DTNBP1: variants seen among roughly 807,000 people sequenced by gnomAD.
DTNBP1 encodes the protein dysbindin.
In DTNBP1, 35 loss-of-function variants were observed where a neutral mutation model predicts 42.8. The ratio of observed to expected loss-of-function variants is 0.82; its 90% confidence interval spans 0.63 to 1.09. DTNBP1 has a LOEUF of 1.09. Among genes scored for constraint, DTNBP1 ranks in the 50% least tolerant of loss-of-function variants. DTNBP1 has a pLI of 0.00. For missense variants in DTNBP1, 457 were observed against 424.2 expected (o/e 1.08, Z -0.68); for synonymous variants, 171 against 162.2 (o/e 1.05, Z -0.41).
At chr6:15,532,474 G>A (rs187851980) in intron 8 of DTNBP1, among the ~76,000 whole-genome samples, 7 of 152,078 alleles carry the variant, frequency 4.6e-5, no homozygotes, top group African/African-American at 7.2e-5. Context: ...AACAACAGGC[G>A]GAAAGAGCCC....
At chr6:15,640,330 T>A (rs892400153) in intron 3 of DTNBP1, among the ~76,000 whole-genome samples, 9 of 152,314 alleles carry the variant, frequency 5.9e-5, no homozygotes, top group African/African-American at 2.2e-4. Flanking sequence ...TCCATTTTAC[T>A]GAGATAAAGA....
At chr6:15,566,014 C>A (rs1775056400) in intron 7 of DTNBP1, among the ~76,000 whole-genome samples, 1 of 152,202 alleles carries the variant, frequency 6.6e-6, no homozygotes, top group South Asian at 2.1e-4. Context: ...ATCACAGGCT[C>A]TAAAGCCAAG....
At chr6:15,553,275 T>G (rs755280304) in intron 7 of DTNBP1, among the ~76,000 whole-genome samples, 118 of 151,802 alleles carry the variant, frequency 7.8e-4, no homozygotes, top group Admixed American at 3.4e-3. Context: ...CACAAACACT[T>G]TGAGGGAGGG....
chr6:15,660,602 T>C, intron 1 of DTNBP1: 1 of 1,256,564 alleles, frequency 8.0e-7, no homozygotes, highest in Non-Finnish European at 1.0e-6. Context: ...GACTACGGCA[T>C]CTTTAAGAAG....
At chr6:15,627,512 GT>G (rs1759420544) in intron 4 of DTNBP1, 37 bp from the exon 5 acceptor site, 1 of 1,612,402 alleles carries the variant, frequency 6.2e-7, no homozygotes, top group African/African-American at 1.3e-5. Flanking sequence ...GTGAAACCAG[GT>G]TTTAGGCACA....
At chr6:15,639,719 C>G (rs1028799888) in intron 3 of DTNBP1, among the ~76,000 whole-genome samples, 29 of 152,212 alleles carry the variant, frequency 1.9e-4, no homozygotes, top group African/African-American at 7.0e-4. Flanking sequence ...ATAAATTTTA[C>G]TTTTGCATCT....
chr6:15,633,373 A>AT (rs746167362), intron 4 of DTNBP1, among the ~76,000 whole-genome samples: 1 of 152,244 alleles, frequency 6.6e-6, no homozygotes, highest in Admixed American at 6.5e-5. Flanking sequence ...TCTAGATGCC[A>AT]TCACACAACA....
chr6:15,524,731 T>G, intron 8 of DTNBP1, 62 bp from the exon 9 acceptor site: 1 of 1,590,692 alleles, frequency 6.3e-7, no homozygotes, highest in Non-Finnish European at 8.5e-7. Context: ...AAAGGTGAAC[T>G]TCCATTGGCA....
At chr6:15,628,983 G>C (rs1759525722) in intron 4 of DTNBP1, among the ~76,000 whole-genome samples, 1 of 152,194 alleles carries the variant, frequency 6.6e-6, no homozygotes, top group Non-Finnish European at 1.5e-5. Flanking sequence ...ACTGAGCTGG[G>C]AGGCCACATC....
intron 8 of DTNBP1, among the ~76,000 whole-genome samples, chr6:15,528,237 C>G (rs947755554): frequency 3.9e-5 from 6 of 152,222 alleles, no homozygotes; most frequent in African/African-American, 1.4e-4. Flanking sequence ...CCAGCAGACT[C>G]AAGCTTCACT....
At chr6:15,526,194 T>A (rs1321948945) in intron 8 of DTNBP1, among the ~76,000 whole-genome samples, 1 of 152,238 alleles carries the variant, frequency 6.6e-6, no homozygotes, top group East Asian at 1.9e-4. Flanking sequence ...CACGTCATTA[T>A]GAGCCTGCTC....
At chr6:15,526,345 C>CA (rs1772389288) in intron 8 of DTNBP1, among the ~76,000 whole-genome samples, 1 of 152,174 alleles carries the variant, frequency 6.6e-6, no homozygotes, top group Non-Finnish European at 1.5e-5. Flanking sequence ...CCCTCCTGAA[C>CA]AAAGACACGG....
At chr6:15,652,995 A>G (rs1389906590) in intron 1 of DTNBP1, among the ~76,000 whole-genome samples, 2 of 152,214 alleles carry the variant, frequency 1.3e-5, no homozygotes, top group African/African-American at 2.4e-5. Flanking sequence ...TCAGACCACA[A>G]AAACATAATT....
chr6:15,546,926 CTT>C (rs10711026), intron 7 of DTNBP1, among the ~76,000 whole-genome samples: 6,289 of 116,178 alleles, frequency 0.054, 132 homozygotes, highest in African/African-American at 0.091. Flanking sequence ...TTCTTTCTTT[CTT>C]TTTTTTTTTT....
intron 7 of DTNBP1, among the ~76,000 whole-genome samples, chr6:15,556,506 G>T (rs1318825517): frequency 6.6e-6 from 1 of 152,162 alleles, no homozygotes; most frequent in Non-Finnish European, 1.5e-5. Context: ...AACTTGCCTT[G>T]TGCTCTTTGC....
At chr6:15,609,324 CT>C (rs1048507813) in intron 6 of DTNBP1, among the ~76,000 whole-genome samples, 70 of 145,282 alleles carry the variant, frequency 4.8e-4, no homozygotes, top group East Asian at 1.2e-3. Context: ...TACAATTTTT[CT>C]TTTTTTTTTT....
Position 15,524,463 on chromosome 6 carries a change from C to T in DTNBP1, c.811+63G>A, listed in dbSNP as rs150899295. 407 of 1,613,646 alleles carry T rather than the reference C, an allele frequency of 2.5e-4. 1 individual carries two copies. The highest frequency in any genetic ancestry group is 3.2e-4 in the Non-Finnish European group (377 of 1,179,706). On this transcript the variant is annotated intron_variant, in intron 9 of 9. Transcript: ENST00000344537. Reference sequence around the variant, plus strand: ...ACTGGCAGATGGTTCTCACGTCTCACCTTTGGAGGGGAGTGGCATCGATAC... The same window carrying T: ...ACTGGCAGATGGTTCTCACGTCTCATCTTTGGAGGGGAGTGGCATCGATAC...
intron 4 of DTNBP1, among the ~76,000 whole-genome samples, chr6:15,637,368 A>G (rs887282471): frequency 6.6e-6 from 1 of 152,206 alleles, no homozygotes; most frequent in Non-Finnish European, 1.5e-5. Flanking sequence ...AGTTTTTTTG[A>G]CCAAATAATA....
chr6:15,653,827 T>C (rs1338811849), intron 1 of DTNBP1, among the ~76,000 whole-genome samples: 1 of 152,242 alleles, frequency 6.6e-6, no homozygotes, highest in African/African-American at 2.4e-5. Context: ...CAGAAATAGC[T>C]GCTCCTTCCT....
Sources: allele counts gnomAD v4.1 joint callset (sites outside exome capture counted in the v4.1 genomes callset), GRCh38; gene constraint gnomAD v4.1.1; transcripts MANE v1.5; gene names NCBI Gene and HGNC (gene_info 2026-07-23, HGNC 2026-07-21).